Variants in RASD2 observed in about 807,000 individuals in gnomAD.
RASD2 encodes the protein GTP-binding protein Rhes.
In RASD2, 7 loss-of-function variants were observed where a neutral mutation model predicts 15.8. The ratio of observed to expected loss-of-function variants is 0.44; its 90% confidence interval spans 0.25 to 0.83. The LOEUF (loss-of-function observed/expected upper bound fraction) is 0.83, where lower values mean the gene tolerates loss of function less well. RASD2 is among the 40% of genes least tolerant of loss of function. RASD2 has a pLI of 0.20. For synonymous variants in RASD2, 155 were observed against 153.6 expected, an observed-to-expected ratio of 1.01 and a Z score of -0.07; for missense variants, 274 against 382.8, an observed-to-expected ratio of 0.72 and a Z score of 2.37.
At chr22:35,535,001 C>T in the RASD2 span, among the ~76,000 whole-genome samples, 1 of 152,194 alleles carries the variant, frequency 6.6e-6, no homozygotes, top group African/African-American at 2.4e-5. Flanking sequence ...TTACTGCCCA[C>T]TGATTGACAA....
chr22:35,552,235 T>A lies in RASD2; in HGVS notation c.*203T>A. 2 of 657,840 alleles carry A rather than the reference T, an allele frequency of 3.0e-6. No homozygotes were observed. The highest frequency in any genetic ancestry group is 5.1e-6 in the Non-Finnish European group (2 of 392,726). 40.8% of individuals were successfully genotyped at this position (657,840 alleles called of 1,614,324 possible). ...CTGAGTCCGCTTGTCCACAGCTCCT[T>A]GGTGGTTTCATCTCCTCTGTGGGAG... is the stretch of plus-strand genomic sequence containing the variant. On this transcript the variant is annotated 3_prime_UTR_variant, in exon 3 of 3. Transcript: ENST00000216127.
upstream of RASD2, among the ~76,000 whole-genome samples, chr22:35,540,393 G>C (rs1466973357): frequency 6.7e-6 from 1 of 149,184 alleles, no homozygotes; most frequent in Non-Finnish European, 1.5e-5. Context: ...GGCCGCGAAA[G>C]GGATGGGCGG....
chr22:35,539,166 C>T (rs1410435297), upstream of RASD2, among the ~76,000 whole-genome samples: 1 of 152,232 alleles, frequency 6.6e-6, no homozygotes, highest in African/African-American at 2.4e-5. Flanking sequence ...TTCAAAGTCC[C>T]AGGCCATTTT....
chr22:35,551,595 T>G lies in RASD2; in HGVS notation c.364T>G (p.Cys122Gly). 6.2e-7 allele frequency: 1 copy of G among 1,614,148 alleles called. No homozygotes were observed. The highest frequency in any genetic ancestry group is 8.5e-7 in the Non-Finnish European group (1 of 1,180,016). Reference sequence around the variant, plus strand: ...GAAGCAGATCCTGGAGGTCAAGTCCTGCCTGAAGAACAAGACCAAGGAGGC... The same window carrying G: ...GAAGCAGATCCTGGAGGTCAAGTCCGGCCTGAAGAACAAGACCAAGGAGGC... ...LQKQILEVKS[C>G]LKNKTKEAAE... The change falls in exon 3 of 3, where the codon TGC (cysteine) becomes GGC (glycine). Residue 122 changes from cysteine (C) to glycine (G), a missense_variant. Transcript: ENST00000216127. The surrounding 1 kb of genome is among the most constrained non-coding windows in gnomAD (Gnocchi z 4.9).
chr22:35,547,829 TG>T (rs1934552629), intron 2 of RASD2, among the ~76,000 whole-genome samples: 3 of 152,210 alleles, frequency 2.0e-5, no homozygotes, highest in African/African-American at 7.2e-5. Context: ...TTAGCCAGGA[TG>T]GTCTCGATCT....
In RASD2 at chr22:35,552,305, C is replaced by T. The variant is rs1934691905; in HGVS notation, c.*273C>T. The T allele has an allele frequency of 1.9e-6, 1 of 517,022 alleles. No individual in the cohort carries two copies. Among genetic ancestry groups the T allele is most frequent in the Non-Finnish European group, 3.4e-6 (1 of 291,096 alleles). 32.0% of individuals were successfully genotyped at this position (517,022 alleles called of 1,614,324 possible). On this transcript the variant is annotated 3_prime_UTR_variant, in exon 3 of 3. Transcript: ENST00000216127. ...AAGAGTTAGGCAGAGACTCAAGTTA[C>T]ACCTTCCTCTCCTGGGGTTGGAAGA...
intron 2 of RASD2, among the ~76,000 whole-genome samples, chr22:35,548,676 C>G (rs1396267191): frequency 6.6e-6 from 1 of 152,240 alleles, no homozygotes; most frequent in Non-Finnish European, 1.5e-5. Flanking sequence ...TTCCGAGCAT[C>G]TGACCCAGAC....
At chr22:35,541,685 G>A (rs1169770584) in intron 1 of RASD2, among the ~76,000 whole-genome samples, 185 bp downstream of exon 1, 1 of 152,210 alleles carries the variant, frequency 6.6e-6, no homozygotes, top group Non-Finnish European at 1.5e-5. Flanking sequence ...AATTAAATTC[G>A]TTGAGCACCT....
chr22:35,552,662 T>A lies in RASD2; in HGVS notation c.*630T>A, dbSNP rs552877901. ...GCCCACCACTTAGACCACGCCCACC[T>A]CCTGACCGCGTTCCTCAGCCTCCTC... On this transcript the variant is annotated 3_prime_UTR_variant, in exon 3 of 3. Coordinates refer to ENST00000216127, the MANE Select transcript of RASD2 (RefSeq NM_014310.4). 1 of 153,012 alleles carries A rather than the reference T, an allele frequency of 6.5e-6. No homozygotes were observed. The highest frequency in any genetic ancestry group is 6.5e-5 in the Admixed American group (1 of 15,306). The allele number at this position is 153,012 out of a possible 1,614,324, so 9.5% of individuals were successfully genotyped here. A position where few individuals can be genotyped will look rare whatever the true frequency, so the allele number is the denominator to read the frequency against.
At chr22:35,549,036 G>A (rs1934590403) in intron 2 of RASD2, among the ~76,000 whole-genome samples, 1 of 152,208 alleles carries the variant, frequency 6.6e-6, no homozygotes, top group Non-Finnish European at 1.5e-5. Flanking sequence ...TAGAGAGGAA[G>A]CACATGCATA....
In RASD2 at chr22:35,552,001, C is replaced by T. The variant is rs765542669; in HGVS notation, c.770C>T (p.Ala257Val). Residue 257 changes from alanine to valine, a missense_variant, in exon 3 of 3, where the codon GCC becomes GTC. Transcript: ENST00000216127. ...IKAKVLREGQ[A>V]RERDKCTIQ ...GCCAAGGTCCTTCGGGAAGGCCAGG[C>T]CCGTGAGAGGGACAAGTGCACCATC... is the stretch of plus-strand genomic sequence containing the variant. 1 of 1,599,802 alleles carries T rather than the reference C, an allele frequency of 6.3e-7. No homozygotes were observed. The highest frequency in any genetic ancestry group is 1.1e-5 in the South Asian group (1 of 91,074).
At chr22:35,538,629 G>T (rs1934279915), upstream of RASD2, among the ~76,000 whole-genome samples, 2 of 152,196 alleles carry the variant, frequency 1.3e-5, no homozygotes, top group African/African-American at 2.4e-5. Flanking sequence ...ACCTCCCAGG[G>T]TTCTCACTCC....
chr22:35,543,430 T>G (rs1934405269), intron 1 of RASD2, among the ~76,000 whole-genome samples: 1 of 151,620 alleles, frequency 6.6e-6, no homozygotes, highest in South Asian at 2.1e-4. Context: ...GTCACTGATA[T>G]TGGACTCTAA....
chr22:35,549,249 A>G (rs1934596476), intron 2 of RASD2, among the ~76,000 whole-genome samples: 1 of 152,094 alleles, frequency 6.6e-6, no homozygotes, highest in Non-Finnish European at 1.5e-5. Context: ...TATCCCCACA[A>G]TGGAGAGTAT....
chr22:35,539,260 G>C (rs578020580), upstream of RASD2, among the ~76,000 whole-genome samples: 1 of 152,134 alleles, frequency 6.6e-6, no homozygotes, highest in African/African-American at 2.4e-5. Context: ...TTTTCATGAC[G>C]GCCCAGGGTC....
intron 1 of RASD2, among the ~76,000 whole-genome samples, chr22:35,543,205 G>A (rs546293986): frequency 3.3e-5 from 5 of 152,218 alleles, no homozygotes; most frequent in East Asian, 1.9e-4. Context: ...CCAGGATGGC[G>A]TCCCCTCATC....
chr22:35,544,638 G>T (rs1934447872), intron 1 of RASD2, among the ~76,000 whole-genome samples: 1 of 152,224 alleles, frequency 6.6e-6, no homozygotes, highest in South Asian at 2.1e-4. Context: ...CTGGGTGGGG[G>T]ATGTGGGGGT....
rs550772920 is a variant in RASD2 at position 35,552,394 on chromosome 22, G to C, written c.*362G>C. On this transcript the variant is annotated 3_prime_UTR_variant, in exon 3 of 3. Coordinates refer to ENST00000216127, the MANE Select transcript of RASD2 (RefSeq NM_014310.4). ...TGGAGCCTCCTGGGACAAGCCTCAG[G>C]ATGAAAAGGACACAGAAGGCCAGAT... The C allele has an allele frequency of 1.2e-5, 3 of 244,472 alleles. No homozygotes were observed. The highest frequency in any genetic ancestry group is 6.7e-5 in the African/African-American group (3 of 44,716). The allele number at this position is 244,472 out of a possible 1,614,324, so 15.1% of individuals were successfully genotyped here.
chr22:35,551,577 A>T lies in RASD2; in HGVS notation c.346A>T (p.Ile116Phe). 1.2e-6 allele frequency: 2 copies of T among 1,614,098 alleles called. No homozygotes were observed. Among genetic ancestry groups the T allele is most frequent in the Non-Finnish European group, 1.7e-6 (2 of 1,180,010 alleles). ...FDEVKRLQKQ[I>F]LEVKSCLKNK... ...TGAGGTCAAGCGCCTTCAGAAGCAG[A>T]TCCTGGAGGTCAAGTCCTGCCTGAA... Residue 116 changes from isoleucine to phenylalanine, a missense_variant, in exon 3 of 3, where the codon ATC (isoleucine) becomes TTC (phenylalanine). Transcript: ENST00000216127. This position sits in a 1 kb window ranked among gnomAD's most constrained non-coding sequence, Gnocchi z 4.9.
Sources: gnomAD v4.1 joint callset for allele counts (sites outside exome capture counted in the v4.1 genomes callset) on GRCh38, gnomAD v4.1.1 for gene constraint, Gnocchi (gnomAD v3.1) non-coding constraint, MANE v1.5 for transcripts, NCBI Gene and HGNC (gene_info 2026-07-23, HGNC 2026-07-21) for gene names.